The following PRKCE variants were observed in gnomAD, a reference collection of about 807,000 sequenced individuals.
PRKCE encodes the protein protein kinase C epsilon type.
Under a neutral mutation model 85.4 loss-of-function variants are expected in PRKCE, and 16 were observed. That is an observed-to-expected ratio of 0.19 (90% CI 0.13 to 0.28). The LOEUF (loss-of-function observed/expected upper bound fraction) is 0.28, where lower values mean the gene tolerates loss of function less well. PRKCE is among the 10% of genes least tolerant of loss of function. PRKCE has a pLI of 1.00. For missense variants in PRKCE, 573 were observed against 975.2 expected (o/e 0.59, Z 5.49); for synonymous variants, 388 against 371.5 (o/e 1.04, Z -0.51).
chr2:46,174,262 G>A lies in PRKCE; in HGVS notation c.2068-10473G>A, dbSNP rs79050828. ...CTTTCCGTTGGGCTGGGGAATGGTGGGCCAAGTGGCCTCCCATTTTAACTG... is the reference window on the plus strand; with the variant it reads ...CTTTCCGTTGGGCTGGGGAATGGTGAGCCAAGTGGCCTCCCATTTTAACTG... On this transcript the variant is annotated intron_variant, in intron 14 of 14. Transcript: ENST00000306156. 2.5e-4 allele frequency among the ~76,000 whole-genome samples: 38 copies of A among 152,298 alleles called. No individual in the cohort carries two copies. In the East Asian group the frequency reaches 7.4e-3, roughly 29 times the overall value.
chr2:46,037,036 C>T (rs971694693), intron 10 of PRKCE, among the ~76,000 whole-genome samples: 2 of 152,228 alleles, frequency 1.3e-5, no homozygotes, highest in Non-Finnish European at 2.9e-5. Flanking sequence ...CCTCGCCTGC[C>T]TTCCCACAGC....
At chr2:46,175,507 A>G (rs937054228) in intron 14 of PRKCE, among the ~76,000 whole-genome samples, 1 of 152,226 alleles carries the variant, frequency 6.6e-6, no homozygotes, top group Admixed American at 6.5e-5. Flanking sequence ...CCTCATAACA[A>G]ATATATGGGA....
chr2:45,816,965 T>C (rs868845102), intron 1 of PRKCE, among the ~76,000 whole-genome samples: 2 of 152,184 alleles, frequency 1.3e-5, no homozygotes, highest in Non-Finnish European at 1.5e-5. Flanking sequence ...TGTGAACTTA[T>C]AATAACAGTA....
chr2:45,820,064 A>G, intron 1 of PRKCE, among the ~76,000 whole-genome samples: 1 of 152,134 alleles, frequency 6.6e-6, no homozygotes, highest in East Asian at 1.9e-4. Context: ...AGAGCAAAAT[A>G]AAGGAGGATG....
intron 1 of PRKCE, among the ~76,000 whole-genome samples, chr2:45,769,668 T>C (rs1046973641): frequency 8.5e-5 from 13 of 152,256 alleles, no homozygotes; most frequent in African/African-American, 9.6e-5. Flanking sequence ...TTCTTTTCTA[T>C]GGGTTTTAGC....
intron 1 of PRKCE, among the ~76,000 whole-genome samples, chr2:45,749,377 C>T (rs1173079123): frequency 6.6e-6 from 1 of 152,210 alleles, no homozygotes; most frequent in African/African-American, 2.4e-5. Flanking sequence ...GTTATTCTAG[C>T]TCCTGGGCCT....
intron 6 of PRKCE, among the ~76,000 whole-genome samples, chr2:45,987,038 T>G (rs2104614124): frequency 6.6e-6 from 1 of 152,034 alleles, no homozygotes; most frequent in South Asian, 2.1e-4. Flanking sequence ...CTGTTTTTTT[T>G]TTTGTAAATA....
At chr2:46,007,393 T>A in intron 8 of PRKCE, 69 bp from the exon 9 acceptor site, 2 of 1,489,740 alleles carry the variant, frequency 1.3e-6, no homozygotes, top group Non-Finnish European at 1.8e-6. Flanking sequence ...AAAGTCTGAG[T>A]GTTGAGTCCT....
intron 1 of PRKCE, among the ~76,000 whole-genome samples, chr2:45,728,046 GTAAAC>G (rs1265418337): frequency 6.6e-6 from 1 of 152,218 alleles, no homozygotes; most frequent in Non-Finnish European, 1.5e-5. Flanking sequence ...GGTCTCTTGA[GTAAAC>G]ACCATGCCTC....
At chr2:46,130,019 A>T (rs1674264443) in intron 11 of PRKCE, among the ~76,000 whole-genome samples, 1 of 152,258 alleles carries the variant, frequency 6.6e-6, no homozygotes. Flanking sequence ...TTGTTTAATT[A>T]ACCTCCCTTA....
intron 1 of PRKCE, among the ~76,000 whole-genome samples, chr2:45,841,641 T>C (rs886743493): frequency 9.2e-5 from 14 of 152,216 alleles, no homozygotes; most frequent in African/African-American, 3.1e-4. Flanking sequence ...ACACACCCAG[T>C]AACAATGCTT....
At chr2:45,856,492 G>C (rs967291947) in intron 2 of PRKCE, among the ~76,000 whole-genome samples, 43 of 152,212 alleles carry the variant, frequency 2.8e-4, no homozygotes, top group African/African-American at 1.0e-3. Context: ...CGGCCTCCCA[G>C]AGTTCTTGGA....
At chr2:45,890,282 T>G (rs965362583) in intron 2 of PRKCE, among the ~76,000 whole-genome samples, 2 of 152,170 alleles carry the variant, frequency 1.3e-5, no homozygotes, top group African/African-American at 4.8e-5. Flanking sequence ...CATCTGTACT[T>G]GTACCCATTT....
intron 3 of PRKCE, 109 bp from the exon 4 acceptor site, chr2:45,978,867 A>C (rs1455803260): frequency 1.8e-5 from 15 of 853,448 alleles, no homozygotes; most frequent in Non-Finnish European, 2.9e-5. Context: ...TGCATACTTC[A>C]TGTACTTGGT....
At chr2:45,656,944 G>A (rs746213276) in intron 1 of PRKCE, among the ~76,000 whole-genome samples, 6 of 152,224 alleles carry the variant, frequency 3.9e-5, no homozygotes, top group Non-Finnish European at 8.8e-5. Context: ...GAAGTATTGG[G>A]ATTCATGTTA....
intron 11 of PRKCE, among the ~76,000 whole-genome samples, chr2:46,127,875 C>G (rs925409712): frequency 2.0e-5 from 3 of 152,220 alleles, no homozygotes; most frequent in Non-Finnish European, 4.4e-5. Flanking sequence ...TGGGGCTGGA[C>G]CACAGCTGTG....
intron 11 of PRKCE, among the ~76,000 whole-genome samples, chr2:46,122,962 A>G: frequency 6.7e-6 from 1 of 148,352 alleles, no homozygotes; most frequent in Middle Eastern, 3.2e-3. Flanking sequence ...TGGTGAAGCC[A>G]AATTATTTTT....
intron 11 of PRKCE, among the ~76,000 whole-genome samples, chr2:46,126,731 T>G (rs1159431964): frequency 1.3e-5 from 2 of 152,164 alleles, no homozygotes; most frequent in African/African-American, 4.8e-5. Flanking sequence ...GATTGACAAC[T>G]GTGAATTTCC....
chr2:45,839,478 G>T (rs1020063099), intron 1 of PRKCE, among the ~76,000 whole-genome samples: 1 of 152,176 alleles, frequency 6.6e-6, no homozygotes, highest in Admixed American at 6.5e-5. Context: ...TGATAAATTA[G>T]GTTGCATCTG....
Sources: allele counts gnomAD v4.1 joint callset (sites outside exome capture counted in the v4.1 genomes callset), GRCh38; gene constraint gnomAD v4.1.1; transcripts MANE v1.5; gene names NCBI Gene and HGNC (gene_info 2026-07-23, HGNC 2026-07-21).